TFDP2: variants seen among roughly 807,000 people sequenced by gnomAD.
TFDP2 encodes transcription factor Dp-2, also known as transcription factor Dp-2 (E2F dimerization partner 2).
Under a neutral mutation model 59.3 loss-of-function variants are expected in TFDP2, and 17 were observed. That is an observed-to-expected ratio of 0.29 (90% CI 0.20 to 0.43). TFDP2 has a LOEUF of 0.43. TFDP2 is among the 20% of genes least tolerant of loss of function. The pLI, the probability that TFDP2 is intolerant of heterozygous loss-of-function variation, is 1.00. For missense variants in TFDP2, 391 were observed against 528.8 expected (o/e 0.74, Z 2.56); for synonymous variants, 180 against 194.7 (o/e 0.92, Z 0.63).
At chr3:142,143,411 T>C (rs1044168079) in intron 1 of TFDP2, among the ~76,000 whole-genome samples, 3 of 151,896 alleles carry the variant, frequency 2.0e-5, no homozygotes, top group African/African-American at 7.3e-5. Context: ...TGGGATCACA[T>C]CAAGTAAAAA....
chr3:142,138,204 TG>T (rs1448902557), intron 1 of TFDP2, among the ~76,000 whole-genome samples: 2 of 152,228 alleles, frequency 1.3e-5, no homozygotes, highest in Non-Finnish European at 2.9e-5. Context: ...TGTATTTCTG[TG>T]GGATTGGTGG....
rs1440352586 is a variant in TFDP2, at chr3:142,027,170, GAATTA to G, written c.83-21631_83-21627del. The stretch of plus-strand genomic sequence containing the variant: ...TTTTTTCCTTAAGTGAAGTTCAACA[GAATTA>G]ATTTTCTCACATTTTCATTAATTAT... On this transcript the variant is annotated intron_variant, in intron 3 of 12. Transcript: ENST00000489671. Among the ~76,000 whole-genome samples the G allele has an allele frequency of 2.6e-5, 4 of 152,044 alleles. No homozygotes were observed. The East Asian group carries it at 7.7e-4, about 29-fold the overall frequency.
chr3:142,087,145 G>T (rs1315918088), intron 3 of TFDP2, among the ~76,000 whole-genome samples: 2 of 152,178 alleles, frequency 1.3e-5, no homozygotes, highest in Non-Finnish European at 2.9e-5. Context: ...AAATTACAAG[G>T]GTTGTAAGAG....
At position 142,018,289 on chromosome 3, in the gene TFDP2, CA is replaced by C. The variant is rs572982050; in HGVS notation, c.83-12746del. Among the ~76,000 whole-genome samples, 191 of 152,156 alleles carry C rather than the reference CA, an allele frequency of 1.3e-3. 1 individual carries two copies. The highest frequency in any genetic ancestry group is 4.5e-3 in the African/African-American group (188 of 41,514). ...TACATAGTATTCCCTTTTATGGCTC[CA>C]GCAGTCTATTTATTGAGCTCCTGAG... On this transcript the variant is annotated intron_variant, in intron 3 of 12. Transcript: ENST00000489671.
intron 9 of TFDP2, among the ~76,000 whole-genome samples, chr3:141,965,037 A>C (rs1937743879): frequency 6.6e-6 from 1 of 152,146 alleles, no homozygotes; most frequent in South Asian, 2.1e-4. Context: ...GGGCAACAAG[A>C]GCAAAACTCT....
In TFDP2 at chr3:141,950,030, C is replaced by T. The variant is rs1935764758; in HGVS notation, c.*2483G>A. On this transcript the variant is annotated 3_prime_UTR_variant, in exon 13 of 13. Coordinates refer to ENST00000489671, the MANE Select transcript of TFDP2 (RefSeq NM_001178139.2). ...TCATGTTGCCCAGGCTGGTCTTGAA[C>T]TCCTGAGCTCAAGCAATGTGCCCGC... 1 of 152,086 alleles carries T rather than the reference C, an allele frequency of 6.6e-6. No homozygotes were observed. Among genetic ancestry groups the T allele is most frequent in the Non-Finnish European group, 1.5e-5 (1 of 68,098 alleles). 9.4% of individuals were successfully genotyped at this position (152,086 alleles called of 1,614,324 possible).
chr3:141,955,263 AC>A (rs1403136484), intron 11 of TFDP2, among the ~76,000 whole-genome samples: 1 of 152,140 alleles, frequency 6.6e-6, no homozygotes, highest in African/African-American at 2.4e-5. Context: ...CTGCCCCTTT[AC>A]ACACGAGAGG....
At chr3:142,043,624 T>C in intron 3 of TFDP2, 1 of 867,168 alleles carries the variant, frequency 1.2e-6, no homozygotes, top group Non-Finnish European at 2.0e-6. Context: ...GGGGAGCTTT[T>C]ATTTCTTGGT....
Position 142,149,355 on chromosome 3 carries a change from C to T in TFDP2, c.-265G>A. 5.1e-6 allele frequency: 2 copies of T among 392,038 alleles called. No homozygotes were observed. Among genetic ancestry groups the T allele is most frequent in the Non-Finnish European group, 9.0e-6 (2 of 222,248 alleles). The allele number at this position is 392,038 out of a possible 1,614,324, so 24.3% of individuals were successfully genotyped here. A position where few individuals can be genotyped will look rare whatever the true frequency, so the allele number is the denominator to read the frequency against. ...CCGGTCAAGGCCCAGGAGTTTGAGG[C>T]CCCAGAACGCCAACCGTGCGCGCGC... is the stretch of plus-strand genomic sequence containing the variant. On this transcript the variant is annotated 5_prime_UTR_variant, in exon 1 of 13. Coordinates refer to ENST00000489671, the MANE Select transcript of TFDP2 (RefSeq NM_001178139.2).
intron 1 of TFDP2, among the ~76,000 whole-genome samples, chr3:142,138,209 T>C (rs1262653014): frequency 6.6e-6 from 1 of 152,214 alleles, no homozygotes; most frequent in Non-Finnish European, 1.5e-5. Flanking sequence ...TTCTGTGGGA[T>C]TGGTGGTGAT....
At chr3:142,059,264 C>A (rs2059838788) in intron 3 of TFDP2, among the ~76,000 whole-genome samples, 1 of 152,118 alleles carries the variant, frequency 6.6e-6, no homozygotes, top group South Asian at 2.1e-4. Context: ...CATTCTACCA[C>A]ATATGGTTAA....
At chr3:141,982,063 T>C (rs1057450579) in intron 6 of TFDP2, among the ~76,000 whole-genome samples, 4 of 152,174 alleles carry the variant, frequency 2.6e-5, no homozygotes, top group East Asian at 1.9e-4. Flanking sequence ...CATGTGGCTA[T>C]TGAATACTTG....
chr3:142,005,711 G>A (rs1412734782), intron 3 of TFDP2, among the ~76,000 whole-genome samples, 167 bp from the exon 4 acceptor site: 2 of 152,102 alleles, frequency 1.3e-5, no homozygotes, highest in Admixed American at 1.3e-4. Flanking sequence ...ACTAATGACT[G>A]CTTTGTTGTA....
Position 141,998,005 on chromosome 3 carries a change from T to TA in TFDP2, c.187-2865dup, listed in dbSNP as rs570314629. ...TTTCCCTCCCTCATTGTCAGATTGT[T>TA]AGCTGCGGCTGATCGGAGAGTGATT... On this transcript the variant is annotated intron_variant, in intron 4 of 12. Transcript: ENST00000489671. Among the ~76,000 whole-genome samples the TA allele has an allele frequency of 1.2e-3, 179 of 152,266 alleles. 1 individual carries two copies. Among genetic ancestry groups the TA allele is most frequent in the African/African-American group, 3.9e-3 (163 of 41,540 alleles).
intron 3 of TFDP2, among the ~76,000 whole-genome samples, chr3:142,012,644 A>G (rs923201199): frequency 1.7e-4 from 26 of 152,310 alleles, no homozygotes; most frequent in African/African-American, 6.3e-4. Context: ...TTATAAGAGA[A>G]CACGATTACA....
In TFDP2 at chr3:141,995,091, C is replaced by G. The variant is rs750052747; in HGVS notation, c.237G>C (p.Gly79=). 6.2e-7 allele frequency: 1 copy of G among 1,610,358 alleles called. No homozygotes were observed. Among genetic ancestry groups the G allele is most frequent in the South Asian group, 1.1e-5 (1 of 90,278 alleles). Residue 79 remains glycine (G), a synonymous_variant, in exon 5 of 13, where the codon GGG becomes GGC. Transcript: ENST00000489671. The part of the protein sequence containing the change: ...RLTSSGSVLI[G]SPYTPAPAMV... Reference sequence around the variant, plus strand: ...TTGCTGGTGCAGGGGTATATGGACTCCCAATCAGAACACTTCCTGAACTGG... The same window carrying G: ...TTGCTGGTGCAGGGGTATATGGACTGCCAATCAGAACACTTCCTGAACTGG...
intron 3 of TFDP2, among the ~76,000 whole-genome samples, chr3:142,061,897 C>CT (rs779549487): frequency 0.21 from 19,651 of 91,468 alleles, 1,401 homozygotes; most frequent in African/African-American, 0.31. Context: ...TCTACACACA[C>CT]ACACACACAC....
chr3:141,973,125 T>TATATATATA (rs1559951924), intron 8 of TFDP2, among the ~76,000 whole-genome samples: 8 of 69,958 alleles, frequency 1.1e-4, no homozygotes, highest in East Asian at 7.0e-4. Context: ...ATATATATAT[T>TATATATATA]TTTTTTTTTT....
At chr3:142,141,647 AC>A (rs1333204023) in intron 1 of TFDP2, among the ~76,000 whole-genome samples, 1 of 151,856 alleles carries the variant, frequency 6.6e-6, no homozygotes, top group African/African-American at 2.4e-5. Flanking sequence ...ACATGGCAAA[AC>A]CCTGTCTCTA....
Sources: allele counts gnomAD v4.1 joint callset (sites outside exome capture counted in the v4.1 genomes callset), GRCh38; gene constraint gnomAD v4.1.1; transcripts MANE v1.5; gene names NCBI Gene and HGNC (gene_info 2026-07-23, HGNC 2026-07-21).